Variants in MYCT1 observed in about 807,000 individuals in gnomAD.
The protein encoded by MYCT1 is MYC target 1, also known as myc target protein 1.
MYCT1 carries 12 observed loss-of-function variants against 15.0 expected under a neutral mutation model. The observed-to-expected ratio is 0.80, with a 90% CI of 0.51 to 1.29. The LOEUF (loss-of-function observed/expected upper bound fraction) is 1.29. Among genes scored for constraint, MYCT1 ranks in the 50% most tolerant of loss-of-function variants. The probability of loss-of-function intolerance (pLI) is 0.00; values close to 1 mark genes in which losing one functional copy is unlikely to be tolerated. For missense variants in MYCT1, 287 were observed against 279.1 expected (o/e 1.03, Z -0.20); for synonymous variants, 104 against 102.7 (o/e 1.01, Z -0.07).
At chr6:152,726,577 C>T (rs913631746), downstream of MYCT1, among the ~76,000 whole-genome samples, 2 of 151,950 alleles carry the variant, frequency 1.3e-5, no homozygotes, top group African/African-American at 4.8e-5. Context: ...CCAGGACTGG[C>T]AATGCCAACT....
chr6:152,727,013 C>T (rs1405534262), downstream of MYCT1, among the ~76,000 whole-genome samples: 1 of 152,100 alleles, frequency 6.6e-6, no homozygotes, highest in Non-Finnish European at 1.5e-5. Context: ...AGTTTGAAAC[C>T]AGCCTGGCCA....
At chr6:152,727,790 T>C (rs1040510899), downstream of MYCT1, among the ~76,000 whole-genome samples, 1 of 152,100 alleles carries the variant, frequency 6.6e-6, no homozygotes, top group Non-Finnish European at 1.5e-5. Context: ...ACAGCAGAAA[T>C]GGACACCTTT....
chr6:152,734,728 A>G, the MYCT1 span, among the ~76,000 whole-genome samples: 69 of 152,246 alleles, frequency 4.5e-4, no homozygotes, highest in African/African-American at 1.6e-3. Context: ...GTATTTGCAT[A>G]AGTGGCGTGG....
rs201459322 is a variant in MYCT1, at chr6:152,722,186, G to A, written c.641G>A (p.Arg214Gln). The A allele has an allele frequency of 8.1e-6, 13 of 1,614,078 alleles. No homozygotes were observed. The highest frequency in any genetic ancestry group is 5.0e-5 in the Admixed American group (3 of 60,002). ...RPDYWSSNSL[R>Q]VGLSTPPPPA... The stretch of plus-strand genomic sequence containing the variant: ...GACTACTGGTCCAGTAACAGTCTTC[G>A]AGTGGGCCTTTCAACACCGCCCCCA... The change falls in exon 2 of 2, where the codon CGA becomes CAA. Residue 214 changes from arginine (R) to glutamine (Q), a missense_variant. Arg to Gln is a conservative substitution (Grantham distance 43). Coordinates refer to ENST00000367245, the MANE Select transcript of MYCT1 (RefSeq NM_025107.3).
At chr6:152,719,271 G>T (rs2099724275) in intron 1 of MYCT1, among the ~76,000 whole-genome samples, 1 of 152,162 alleles carries the variant, frequency 6.6e-6, no homozygotes, top group Non-Finnish European at 1.5e-5. Context: ...GTTCATAACA[G>T]GCTGCAAGAT....
At chr6:152,700,442 A>G (rs1428623808) in intron 1 of MYCT1, among the ~76,000 whole-genome samples, 1 of 152,148 alleles carries the variant, frequency 6.6e-6, no homozygotes, top group Admixed American at 6.5e-5. Context: ...TTTCTGGTTT[A>G]CTTTAATGAG....
downstream of MYCT1, among the ~76,000 whole-genome samples, chr6:152,729,085 T>C (rs938050107): frequency 1.3e-5 from 2 of 152,174 alleles, no homozygotes; most frequent in East Asian, 3.8e-4. Flanking sequence ...TCTCTCTGAA[T>C]ATCCAGTTTG....
Position 152,723,631 on chromosome 6 carries a change from A to C in MYCT1, c.*1378A>C, listed in dbSNP as rs553338791. 1 of 152,350 alleles carries C rather than the reference A, an allele frequency of 6.6e-6. No individual in the cohort carries two copies. Among genetic ancestry groups the C allele is most frequent in the African/African-American group, 2.4e-5 (1 of 41,580 alleles). 9.4% of individuals were successfully genotyped at this position (152,350 alleles called of 1,614,324 possible). On this transcript the variant is annotated 3_prime_UTR_variant, in exon 2 of 2. Coordinates refer to ENST00000367245, the MANE Select transcript of MYCT1 (RefSeq NM_025107.3). ...GCAGAGTCTGTACAGTGATTAAGCC[A>C]TGCCAGATGGTCTTTGGTGCACACA...
chr6:152,736,566 G>A, the MYCT1 span, among the ~76,000 whole-genome samples: 66 of 152,186 alleles, frequency 4.3e-4, no homozygotes, highest in Non-Finnish European at 7.1e-4. Context: ...TGTGTACATC[G>A]GTGGGTGTAT....
Position 152,707,381 on chromosome 6 carries a change from G to A in MYCT1, c.196+9283G>A, listed in dbSNP as rs1481349388. Among the ~76,000 whole-genome samples the A allele has an allele frequency of 2.0e-5, 3 of 151,940 alleles. 1 individual carries two copies. Among genetic ancestry groups the A allele is most frequent in the South Asian group, 4.1e-4 (2 of 4,830 alleles). ...GTTTTCTTGCTTTTGTGTTGTGTGA[G>A]CTTCTTATATACTTTAGATGTTAAC... On this transcript the variant is annotated intron_variant, in intron 1 of 1. Coordinates refer to ENST00000367245, the MANE Select transcript of MYCT1 (RefSeq NM_025107.3).
At chr6:152,717,454 T>A (rs774269428) in intron 1 of MYCT1, among the ~76,000 whole-genome samples, 8 of 152,152 alleles carry the variant, frequency 5.3e-5, no homozygotes, top group Non-Finnish European at 1.0e-4. Flanking sequence ...AATTCCCACA[T>A]GTTGTGGGAG....
At chr6:152,714,578 T>G (rs1312091942) in intron 1 of MYCT1, among the ~76,000 whole-genome samples, 1 of 151,296 alleles carries the variant, frequency 6.6e-6, no homozygotes, top group African/African-American at 2.4e-5. Flanking sequence ...CATTAGGTAT[T>G]TTATTTAATT....
chr6:152,731,041 A>G, the MYCT1 span, among the ~76,000 whole-genome samples: 1 of 152,248 alleles, frequency 6.6e-6, no homozygotes, highest in Non-Finnish European at 1.5e-5. Context: ...TATCAGAATT[A>G]AAATAGATTA....
At chr6:152,704,509 G>C (rs938620040) in intron 1 of MYCT1, among the ~76,000 whole-genome samples, 9 of 152,180 alleles carry the variant, frequency 5.9e-5, no homozygotes, top group Non-Finnish European at 1.2e-4. Flanking sequence ...GGGGTACAGA[G>C]TGAAACACCA....
the MYCT1 span, among the ~76,000 whole-genome samples, chr6:152,736,407 C>G: frequency 1.3e-5 from 2 of 152,092 alleles, no homozygotes; most frequent in Admixed American, 1.3e-4. Context: ...CCTGTTGAGT[C>G]AAACCCCACC....
At chr6:152,727,701 G>A (rs1363513543), downstream of MYCT1, among the ~76,000 whole-genome samples, 1 of 152,174 alleles carries the variant, frequency 6.6e-6, no homozygotes, top group Non-Finnish European at 1.5e-5. Context: ...AGCTAGAGCT[G>A]CAGGGCCAGC....
At chr6:152,708,435 C>T (rs1461681800) in intron 1 of MYCT1, among the ~76,000 whole-genome samples, 1 of 151,846 alleles carries the variant, frequency 6.6e-6, no homozygotes, top group Non-Finnish European at 1.5e-5. Flanking sequence ...GTCTCAGTTA[C>T]TTGGAGACTG....
At chr6:152,699,743 A>G (rs762313834) in intron 1 of MYCT1, among the ~76,000 whole-genome samples, 6 of 152,270 alleles carry the variant, frequency 3.9e-5, no homozygotes, top group Middle Eastern at 3.4e-3. Flanking sequence ...TTTCAGGTTT[A>G]CTTAAAAAAA....
the MYCT1 span, among the ~76,000 whole-genome samples, chr6:152,739,415 A>G: frequency 5.1e-3 from 770 of 151,932 alleles, 6 homozygotes; most frequent in African/African-American, 0.018. Flanking sequence ...TCATTGGTTT[A>G]AATTGTGAAT....
Sources: gnomAD v4.1 joint callset for allele counts (sites outside exome capture counted in the v4.1 genomes callset) on GRCh38, gnomAD v4.1.1 for gene constraint, MANE v1.5 for transcripts, NCBI Gene and HGNC (gene_info 2026-07-23, HGNC 2026-07-21) for gene names.